Variants in RYR2 observed in about 807,000 individuals in gnomAD.
RYR2 encodes ryanodine receptor 2.
In RYR2, 227 loss-of-function variants were observed where a neutral mutation model predicts 601.1. The observed-to-expected ratio is 0.38, with a 90% confidence interval of 0.34 to 0.42. The LOEUF is 0.42. Ranked by LOEUF, RYR2 falls within the 10% of genes least tolerant of loss-of-function variation. RYR2 has a pLI of 1.00. For synonymous variants in RYR2, 2,223 were observed against 2,175.1 expected, an observed-to-expected ratio of 1.02 and a Z score of -0.61; for missense variants, 4,646 against 6,156.5, an observed-to-expected ratio of 0.75 and a Z score of 8.21.
At chr1:237,608,796 G>T (rs796293747) in intron 35 of RYR2, among the ~76,000 whole-genome samples, 6 of 119,212 alleles carry the variant, frequency 5.0e-5, no homozygotes, top group South Asian at 3.2e-4. Context: ...AGACTGACCT[G>T]TTTTTTTTTT....
At chr1:237,277,312 T>C (rs979820454) in intron 2 of RYR2, among the ~76,000 whole-genome samples, 22 of 152,164 alleles carry the variant, frequency 1.4e-4, no homozygotes, top group African/African-American at 5.1e-4. Flanking sequence ...TTCTTTAAGG[T>C]AGTACACTAG....
At chr1:237,684,417 A>G (rs568705500) in intron 62 of RYR2, among the ~76,000 whole-genome samples, 2 of 152,262 alleles carry the variant, frequency 1.3e-5, no homozygotes, top group African/African-American at 4.8e-5. Flanking sequence ...GGAGACATCT[A>G]CAGAGTGCTG....
At chr1:237,395,811 G>T (rs1412372494) in intron 10 of RYR2, among the ~76,000 whole-genome samples, 1 of 152,080 alleles carries the variant, frequency 6.6e-6, no homozygotes, top group Non-Finnish European at 1.5e-5. Flanking sequence ...GTCCCAAAGT[G>T]CTGGGATTAC....
intron 2 of RYR2, among the ~76,000 whole-genome samples, chr1:237,287,682 A>G (rs184083276): frequency 1.2e-4 from 19 of 152,250 alleles, no homozygotes; most frequent in East Asian, 3.9e-4. Flanking sequence ...TCTTTAAGCT[A>G]TCTAATTCCT....
At chr1:237,265,298 C>T (rs1688947322) in intron 1 of RYR2, among the ~76,000 whole-genome samples, 1 of 152,054 alleles carries the variant, frequency 6.6e-6, no homozygotes, top group Non-Finnish European at 1.5e-5. Flanking sequence ...CAGTGCAGAG[C>T]CTTGTAGGCT....
Position 237,387,349 on chromosome 1 carries a change from C to T in RYR2, c.645C>T (p.Ala215=). 2.5e-6 allele frequency: 4 copies of T among 1,613,942 alleles called. No homozygotes were observed. The highest frequency in any genetic ancestry group is 1.7e-5 in the Admixed American group (1 of 60,016). The change falls in exon 9 of 105, where the codon GCC becomes GCT. Residue 215 remains alanine (A), a synonymous_variant. Coordinates refer to ENST00000366574, the MANE Select transcript of RYR2 (RefSeq NM_001035.3). ...AAFQQTLWSV[A]PISSGSEAAQ... ...TCCAGCAGACTCTCTGGAGCGTGGC[C>T]CCAATCAGCTCAGGAAGTGAGGCAG...
At chr1:237,256,569 C>T (rs534804026) in intron 1 of RYR2, among the ~76,000 whole-genome samples, 8 of 152,270 alleles carry the variant, frequency 5.3e-5, no homozygotes, top group Admixed American at 3.9e-4. Context: ...TTAATTATTC[C>T]GTTTCCTGGA....
chr1:237,064,775 T>A (rs1663345117), intron 1 of RYR2, among the ~76,000 whole-genome samples: 1 of 75,122 alleles, frequency 1.3e-5, no homozygotes, highest in Non-Finnish European at 2.8e-5. Flanking sequence ...TTTTTTTTTT[T>A]TTTTTTTACT....
chr1:237,593,405 TA>T, intron 32 of RYR2, 70 bp from the exon 33 acceptor site: 1 of 1,460,530 alleles, frequency 6.8e-7, no homozygotes, highest in East Asian at 2.3e-5. Context: ...TAGACACAGT[TA>T]GGATTGCAAA....
At chr1:237,424,255 A>C (rs1423957807) in intron 12 of RYR2, among the ~76,000 whole-genome samples, 3 of 152,202 alleles carry the variant, frequency 2.0e-5, no homozygotes, top group Non-Finnish European at 4.4e-5. Context: ...TTAAACTACT[A>C]ACTAGCTTTC....
chr1:237,644,014 A>G (rs1681860431), intron 48 of RYR2, among the ~76,000 whole-genome samples: 1 of 152,212 alleles, frequency 6.6e-6, no homozygotes, highest in African/African-American at 2.4e-5. Context: ...CCAGAGAAGC[A>G]GAAACATGCA....
intron 8 of RYR2, among the ~76,000 whole-genome samples, chr1:237,385,527 T>A (rs919634020): frequency 6.6e-6 from 1 of 152,226 alleles, no homozygotes; most frequent in Non-Finnish European, 1.5e-5. Context: ...CATAGTACAT[T>A]CAGTGAACCC....
At chr1:237,522,147 G>C (rs1283323454) in intron 24 of RYR2, among the ~76,000 whole-genome samples, 3 of 151,850 alleles carry the variant, frequency 2.0e-5, no homozygotes, top group African/African-American at 7.3e-5. Context: ...CAGGCCCCAG[G>C]GTGTGATGTG....
At chr1:237,666,481 G>A in intron 56 of RYR2, 31 bp from the exon 57 acceptor site, 2 of 1,585,666 alleles carry the variant, frequency 1.3e-6, no homozygotes, top group South Asian at 2.3e-5. Flanking sequence ...GGTTTTTAAT[G>A]AGGCACTGTT....
At chr1:237,464,715 C>A (rs549596394) in intron 16 of RYR2, among the ~76,000 whole-genome samples, 1 of 152,226 alleles carries the variant, frequency 6.6e-6, no homozygotes, top group East Asian at 1.9e-4. Flanking sequence ...TCAGTGTATA[C>A]ATTTACTTTA....
At chr1:237,752,254 C>T (rs988313293) in intron 80 of RYR2, among the ~76,000 whole-genome samples, 2 of 152,030 alleles carry the variant, frequency 1.3e-5, no homozygotes, top group Non-Finnish European at 2.9e-5. Flanking sequence ...AGTGCACTGG[C>T]GCAATCCTGG....
chr1:237,311,425 A>G (rs1694553263), intron 2 of RYR2, among the ~76,000 whole-genome samples: 1 of 152,112 alleles, frequency 6.6e-6, no homozygotes, highest in Non-Finnish European at 1.5e-5. Flanking sequence ...TAAAACCTAA[A>G]CATTTAGAAC....
chr1:237,091,910 C>A (rs779880616), intron 1 of RYR2, among the ~76,000 whole-genome samples: 1 of 152,144 alleles, frequency 6.6e-6, no homozygotes, highest in African/African-American at 2.4e-5. Context: ...TACCAGGGTT[C>A]TTGGCTGAGA....
intron 94 of RYR2, among the ~76,000 whole-genome samples, chr1:237,793,412 CA>C (rs1367637699): frequency 4.6e-5 from 7 of 152,244 alleles, no homozygotes; most frequent in African/African-American, 1.4e-4. Context: ...AAATTTATCT[CA>C]AAATAGTATG....
Sources: allele counts gnomAD v4.1 joint callset (sites outside exome capture counted in the v4.1 genomes callset), GRCh38; gene constraint gnomAD v4.1.1; transcripts MANE v1.5; gene names NCBI Gene and HGNC (gene_info 2026-07-23, HGNC 2026-07-21).